The following NFATC1 variants were observed in gnomAD, a reference collection of about 807,000 sequenced individuals.
NFATC1 encodes the protein nuclear factor of activated T cells 1.
A neutral mutation model predicts 76.0 loss-of-function variants in NFATC1; 22 were observed. The ratio of observed to expected loss-of-function variants is 0.29; its 90% CI spans 0.21 to 0.41. The LOEUF is 0.41. Among genes scored for constraint, NFATC1 ranks in the 10% least tolerant of loss-of-function variants. The probability of loss-of-function intolerance (pLI) is 1.00; values close to 1 mark genes in which losing one functional copy is unlikely to be tolerated. For missense variants in NFATC1, 1,357 were observed against 1,337.7 expected (o/e 1.01, Z -0.23); for synonymous variants, 704 against 613.1 (o/e 1.15, Z -2.19).
At chr18:79,483,973 C>T (rs140767005) in intron 8 of NFATC1, among the ~76,000 whole-genome samples, 32 of 149,172 alleles carry the variant, frequency 2.1e-4, no homozygotes, top group African/African-American at 5.0e-4. Context: ...TGACCTGGTC[C>T]TGAGGTGTCA....
intron 9 of NFATC1, among the ~76,000 whole-genome samples, chr18:79,504,443 G>A (rs1025587408): frequency 2.0e-5 from 3 of 152,146 alleles, no homozygotes; most frequent in Admixed American, 6.5e-5. Flanking sequence ...CAGTCAGGAC[G>A]CACCCAGCTC....
chr18:79,410,105 T>C lies in NFATC1; in HGVS notation c.128-298T>C. ...GTTTTTGAATGAAGAGCGGAACCCG[T>C]GAGGACCCGGCCGCCTCTCCCTGGG... On this transcript the variant is annotated intron_variant, in intron 1 of 9. Transcript: ENST00000427363. The surrounding 1 kb of genome is among the most constrained non-coding windows in gnomAD (Gnocchi z 6.7). 1.4e-6 allele frequency: 1 copy of C among 721,184 alleles called. No homozygotes were observed. The highest frequency in any genetic ancestry group is 2.6e-6 in the Non-Finnish European group (1 of 389,998). The allele number at this position is 721,184 out of a possible 1,614,324, so 44.7% of individuals were successfully genotyped here. A position where few individuals can be genotyped will look rare whatever the true frequency, so the allele number is the denominator to read the frequency against.
At chr18:79,415,292 A>T (rs958443070) in intron 2 of NFATC1, among the ~76,000 whole-genome samples, 2 of 151,772 alleles carry the variant, frequency 1.3e-5, no homozygotes, top group African/African-American at 2.4e-5. Context: ...TTATTTATTT[A>T]TTTTTTTTGA....
At chr18:79,511,446 CACAG>C (rs1207587646) in intron 9 of NFATC1, among the ~76,000 whole-genome samples, 2 of 152,226 alleles carry the variant, frequency 1.3e-5, no homozygotes, top group East Asian at 1.9e-4. Context: ...GTGCTGCTAA[CACAG>C]ACAGCAGTGA....
intron 6 of NFATC1, among the ~76,000 whole-genome samples, chr18:79,457,372 G>A (rs116665179): frequency 0.014 from 2,091 of 152,230 alleles, 56 homozygotes; most frequent in African/African-American, 0.048. Flanking sequence ...CGCTAGGGGC[G>A]ACTCTCAGAC....
Position 79,396,376 on chromosome 18 carries a change from C to T in NFATC1, c.127+25C>T, listed in dbSNP as rs1031264922. 17 of 1,264,222 alleles carry T rather than the reference C, an allele frequency of 1.3e-5. No individual in the cohort carries two copies. The Admixed American group carries it at 6.0e-4, about 45-fold the overall frequency. The allele number at this position is 1,264,222 out of a possible 1,614,324, so 78.3% of individuals were successfully genotyped here. A position where few individuals can be genotyped will look rare whatever the true frequency, so the allele number is the denominator to read the frequency against. ...GGTAAGCCCCGCGCGGCCTCCGCCC[C>T]CGGACCCCTGCGCCCCCCACGGCCC... On this transcript the variant is annotated intron_variant, in intron 1 of 9. Coordinates refer to ENST00000427363, the MANE Select transcript of NFATC1 (RefSeq NM_001278669.2).
At chr18:79,495,765 G>T (rs982266679) in intron 9 of NFATC1, among the ~76,000 whole-genome samples, 1 of 152,218 alleles carries the variant, frequency 6.6e-6, no homozygotes, top group Non-Finnish European at 1.5e-5. Context: ...GTGGTAAGGC[G>T]TTCGCGAGTC....
At chr18:79,411,911 C>T (rs73492185) in intron 2 of NFATC1, among the ~76,000 whole-genome samples, 3,866 of 152,284 alleles carry the variant, frequency 0.025, 167 homozygotes, top group African/African-American at 0.088. Context: ...GTTTCTTCCT[C>T]GGGGAATTGC....
intron 9 of NFATC1, among the ~76,000 whole-genome samples, chr18:79,502,713 C>T (rs552409580): frequency 6.6e-6 from 1 of 152,112 alleles, no homozygotes; most frequent in Non-Finnish European, 1.5e-5. Context: ...ATAATAAACA[C>T]ATGAAAAAAT....
In NFATC1 at chr18:79,410,905, G is replaced by T. The variant is rs755786250; in HGVS notation, c.630G>T (p.Val210=). 6 of 1,608,310 alleles carry T rather than the reference G, an allele frequency of 3.7e-6. No homozygotes were observed. In the East Asian group the frequency reaches 1.3e-4, roughly 36 times the overall value. ...PQTSPWQSPC[V]SPKTTDPEEG... Reference sequence around the variant, plus strand: ...CGTCGCCATGGCAGTCTCCCTGCGTGTCTCCCAAGACCACGGACCCCGAGG... The same window carrying T: ...CGTCGCCATGGCAGTCTCCCTGCGTTTCTCCCAAGACCACGGACCCCGAGG... Residue 210 remains valine (V), a synonymous_variant, in exon 2 of 10, where the codon GTG becomes GTT. Coordinates refer to ENST00000427363, the MANE Select transcript of NFATC1 (RefSeq NM_001278669.2). This position sits in a 1 kb window ranked among gnomAD's most constrained non-coding sequence, Gnocchi z 6.7.
At chr18:79,412,963 A>C (rs147915462) in intron 2 of NFATC1, among the ~76,000 whole-genome samples, 2 of 152,320 alleles carry the variant, frequency 1.3e-5, no homozygotes, top group East Asian at 3.9e-4. Flanking sequence ...CAGGACCCGG[A>C]TTGTATTTAC....
intron 6 of NFATC1, 110 bp downstream of exon 6, chr18:79,451,926 T>C (rs1432991724): frequency 2.9e-6 from 4 of 1,375,158 alleles, no homozygotes; most frequent in Non-Finnish European, 3.9e-6. Flanking sequence ...GGACGGGGCT[T>C]ATGGGGTGTG....
rs149149464 is a variant in NFATC1 at position 79,465,728 on chromosome 18, C to T, written c.1960-1722C>T. On this transcript the variant is annotated intron_variant, in intron 7 of 9. Transcript: ENST00000427363. The surrounding 1 kb of genome is among the most constrained non-coding windows in gnomAD (Gnocchi z 4.2). ...CACCTGGTGTAGCTGCTGACTCCATCGCAGCTGCCCTGAGCACTGCTGAAT... is the reference window on the plus strand; with the variant it reads ...CACCTGGTGTAGCTGCTGACTCCATTGCAGCTGCCCTGAGCACTGCTGAAT... Among the ~76,000 whole-genome samples the T allele has an allele frequency of 5.2e-3, 787 of 152,372 alleles. 9 individuals carry two copies. The highest frequency in any genetic ancestry group is 0.018 in the African/African-American group (730 of 41,580).
chr18:79,504,162 C>T (rs2090074043), intron 9 of NFATC1, among the ~76,000 whole-genome samples: 1 of 150,830 alleles, frequency 6.6e-6, no homozygotes, highest in South Asian at 2.1e-4. Flanking sequence ...TTCTGTCTGT[C>T]TAGAGTTTTC....
In NFATC1 at chr18:79,475,575, C is replaced by T. The variant is rs568571325; in HGVS notation, c.2092+7993C>T. Among the ~76,000 whole-genome samples, 25 of 149,518 alleles carry T rather than the reference C, an allele frequency of 1.7e-4. No individual in the cohort carries two copies. The South Asian group carries it at 4.3e-3, about 26-fold the overall frequency. On this transcript the variant is annotated intron_variant, in intron 8 of 9. Coordinates refer to ENST00000427363, the MANE Select transcript of NFATC1 (RefSeq NM_001278669.2). ...AGTGTGTTCTCACGCTCACTGTCGA[C>T]GTTGCGAGGGAAGCGTGTTCTCATG... is the stretch of plus-strand genomic sequence containing the variant.
chr18:79,439,589 C>A (rs763103062), intron 3 of NFATC1, among the ~76,000 whole-genome samples: 1 of 152,212 alleles, frequency 6.6e-6, no homozygotes, highest in Admixed American at 6.5e-5. Flanking sequence ...AGCGCATAAA[C>A]GCACAGGGAA....
Position 79,415,504 on chromosome 18 carries a change from G to A in NFATC1, c.1226+4003G>A, listed in dbSNP as rs1055246509. Among the ~76,000 whole-genome samples the A allele has an allele frequency of 7.3e-5, 11 of 151,594 alleles. No individual in the cohort carries two copies. In the South Asian group the frequency reaches 1.5e-3, roughly 20 times the overall value. ...TCACCATGTTAGCCAGGATGGTCTC[G>A]ATCTCCTGACCTCGTGATCCACCCG... On this transcript the variant is annotated intron_variant, in intron 2 of 9. Coordinates refer to ENST00000427363, the MANE Select transcript of NFATC1 (RefSeq NM_001278669.2).
chr18:79,456,926 C>T (rs2087764019), intron 6 of NFATC1, among the ~76,000 whole-genome samples: 1 of 152,212 alleles, frequency 6.6e-6, no homozygotes, highest in Non-Finnish European at 1.5e-5. Flanking sequence ...TCAGCTGTCA[C>T]CTCCTGAAGA....
rs753892026 is a variant in NFATC1, at chr18:79,486,810, C to T, written c.2655C>T (p.Asp885=). The T allele has an allele frequency of 3.2e-5, 51 of 1,611,288 alleles. No individual in the cohort carries two copies. The highest frequency in any genetic ancestry group is 1.6e-4 in the Middle Eastern group (1 of 6,084). ...ACCTGCCGTCCACGGTCCGCAGGGA[C>T]GAGTCTCCGACTGCCGGGCCACGGC... ...PQHLPSTVRR[D]ESPTAGPRLL... Residue 885 remains aspartate (D), a synonymous_variant, in exon 9 of 10, where the codon GAC becomes GAT. Coordinates refer to ENST00000427363, the MANE Select transcript of NFATC1 (RefSeq NM_001278669.2).
Sources: gnomAD v4.1 joint callset for allele counts (sites outside exome capture counted in the v4.1 genomes callset) on GRCh38, gnomAD v4.1.1 for gene constraint, Gnocchi (gnomAD v3.1) non-coding constraint, MANE v1.5 for transcripts, NCBI Gene and HGNC (gene_info 2026-07-23, HGNC 2026-07-21) for gene names.